The following EIPR1 variants were observed in gnomAD, a reference collection of about 807,000 sequenced individuals.
EIPR1 encodes the protein EARP complex and GARP complex interacting protein 1, also known as EARP and GARP complex-interacting protein 1.
EIPR1 carries 25 observed loss-of-function variants against 48.1 expected under a neutral mutation model. The observed-to-expected ratio is 0.52, with a 90% confidence interval of 0.38 to 0.73. EIPR1 has a LOEUF of 0.73. Among genes scored for constraint, EIPR1 ranks in the 30% least tolerant of loss-of-function variants. EIPR1 has a pLI of 0.00. For synonymous variants in EIPR1, 204 were observed against 201.9 expected, an observed-to-expected ratio of 1.01 and a Z score of -0.09; for missense variants, 415 against 506.2, an observed-to-expected ratio of 0.82 and a Z score of 1.73.
intron 3 of EIPR1, among the ~76,000 whole-genome samples, chr2:3,302,476 G>C (rs751838261): frequency 6.6e-6 from 1 of 152,218 alleles, no homozygotes; most frequent in Admixed American, 6.5e-5. Flanking sequence ...CATCCTCCCA[G>C]CACCACACTC....
chr2:3,257,676 CTT>C (rs1229648786), intron 3 of EIPR1: 2 of 419,936 alleles, frequency 4.8e-6, no homozygotes, highest in South Asian at 6.2e-5. Flanking sequence ...CCCACTTTCT[CTT>C]TGTTTTAAAA....
At chr2:3,255,017 C>CA (rs950471325) in intron 4 of EIPR1, among the ~76,000 whole-genome samples, 1 of 151,816 alleles carries the variant, frequency 6.6e-6, no homozygotes, top group Admixed American at 6.6e-5. Flanking sequence ...TGTACAACCT[C>CA]AAAATAAAAA....
chr2:3,225,620 CAT>C (rs1163133496), intron 4 of EIPR1, among the ~76,000 whole-genome samples: 6 of 152,186 alleles, frequency 3.9e-5, no homozygotes, highest in Admixed American at 3.3e-4. Flanking sequence ...TCCATCAACT[CAT>C]ATAGTTAACT....
In EIPR1 at chr2:3,351,004, A is replaced by ATTTTTTT. The variant is rs71396979; in HGVS notation, c.126+3539_126+3545dup. On this transcript the variant is annotated intron_variant, in intron 2 of 8. Coordinates refer to ENST00000382125, the MANE Select transcript of EIPR1 (RefSeq NM_003310.5). ...AAAACACTTTCTGTCATTTTGGGCG[A>ATTTTTTT]TTTTTTTTTTTTTAGACAGAGTCTC... Among the ~76,000 whole-genome samples, 170 of 135,318 alleles carry ATTTTTTT rather than the reference A, an allele frequency of 1.3e-3. 1 individual carries two copies. The highest frequency in any genetic ancestry group is 1.7e-3 in the Non-Finnish European group (106 of 63,898). The allele number at this position is 135,318 out of a possible 152,430, so 88.8% of individuals were successfully genotyped here.
At chr2:3,305,026 TC>T (rs1242307599) in intron 3 of EIPR1, among the ~76,000 whole-genome samples, 2 of 80,222 alleles carry the variant, frequency 2.5e-5, no homozygotes, top group Non-Finnish European at 5.3e-5. Context: ...TCCACTCCTG[TC>T]CAGTTCAACC....
chr2:3,321,829 G>A (rs982710751), intron 3 of EIPR1, among the ~76,000 whole-genome samples: 1 of 152,132 alleles, frequency 6.6e-6, no homozygotes, highest in African/African-American at 2.4e-5. Flanking sequence ...GGACCAGGCG[G>A]GCACATCAGA....
intron 2 of EIPR1, chr2:3,353,344 G>A (rs1018774325): frequency 3.0e-5 from 14 of 469,256 alleles, no homozygotes; most frequent in African/African-American, 2.0e-4. Context: ...ATTCAATTGT[G>A]CACTTTGCTT....
chr2:3,358,425 A>G (rs1670778628), intron 1 of EIPR1, among the ~76,000 whole-genome samples: 1 of 152,216 alleles, frequency 6.6e-6, no homozygotes, highest in Non-Finnish European at 1.5e-5. Flanking sequence ...ATACATTTCA[A>G]TAAAACCGAG....
intron 2 of EIPR1, among the ~76,000 whole-genome samples, chr2:3,349,398 G>A (rs1670499780): frequency 6.6e-6 from 1 of 152,248 alleles, no homozygotes; most frequent in Non-Finnish European, 1.5e-5. Flanking sequence ...AAGAGTGTGA[G>A]CGCAGGGACT....
chr2:3,203,419 C>T (rs776863569), intron 5 of EIPR1, among the ~76,000 whole-genome samples: 1 of 152,208 alleles, frequency 6.6e-6, no homozygotes, highest in Non-Finnish European at 1.5e-5. Context: ...AGATAGGTAA[C>T]GTAAATAAAC....
chr2:3,351,272 A>G (rs1210620363), intron 2 of EIPR1, among the ~76,000 whole-genome samples: 1 of 152,190 alleles, frequency 6.6e-6, no homozygotes, highest in Non-Finnish European at 1.5e-5. Flanking sequence ...AAGTGCTGGG[A>G]TTACATGCGT....
At chr2:3,364,126 A>C (rs1021037324) in intron 1 of EIPR1, among the ~76,000 whole-genome samples, 3 of 152,222 alleles carry the variant, frequency 2.0e-5, no homozygotes, top group Non-Finnish European at 4.4e-5. Flanking sequence ...AACTAAAAAT[A>C]GAGCTACCAC....
At chr2:3,339,217 G>T (rs1261848629) in intron 2 of EIPR1, among the ~76,000 whole-genome samples, 1 of 152,214 alleles carries the variant, frequency 6.6e-6, no homozygotes, top group Non-Finnish European at 1.5e-5. Flanking sequence ...GAACCAGCAG[G>T]TAGGTACCTG....
intron 4 of EIPR1, among the ~76,000 whole-genome samples, chr2:3,252,010 C>T (rs1667013683): frequency 6.6e-6 from 1 of 152,182 alleles, no homozygotes; most frequent in African/African-American, 2.4e-5. Context: ...TGGGAAAGGA[C>T]AGTCCCTACT....
At chr2:3,336,585 T>C (rs1418051023) in intron 3 of EIPR1, among the ~76,000 whole-genome samples, 3 of 152,116 alleles carry the variant, frequency 2.0e-5, no homozygotes, top group East Asian at 3.9e-4. Flanking sequence ...CTGGCCAACA[T>C]GGTGAAACCC....
intron 3 of EIPR1, among the ~76,000 whole-genome samples, chr2:3,302,302 G>A (rs1201134620): frequency 6.6e-6 from 1 of 152,146 alleles, no homozygotes; most frequent in African/African-American, 2.4e-5. Flanking sequence ...GGTGAAGCCT[G>A]GGCAGCACAG....
chr2:3,199,578 T>G (rs923608766), intron 5 of EIPR1, among the ~76,000 whole-genome samples: 1 of 152,146 alleles, frequency 6.6e-6, no homozygotes, highest in Non-Finnish European at 1.5e-5. Flanking sequence ...AGAGACCCAC[T>G]GGGGGGACAG....
intron 3 of EIPR1, among the ~76,000 whole-genome samples, chr2:3,268,069 A>G (rs1667547339): frequency 6.6e-6 from 1 of 152,120 alleles, no homozygotes; most frequent in African/African-American, 2.4e-5. Context: ...AGTGGTTGTG[A>G]GTGTGTGCAG....
At chr2:3,353,059 C>T in intron 2 of EIPR1, 2 of 367,170 alleles carry the variant, frequency 5.4e-6, no homozygotes, top group South Asian at 4.2e-5. Context: ...CAGACAGAGA[C>T]CATATTCATA....
Sources: allele counts gnomAD v4.1 joint callset (sites outside exome capture counted in the v4.1 genomes callset), GRCh38; gene constraint gnomAD v4.1.1; transcripts MANE v1.5; gene names NCBI Gene and HGNC (gene_info 2026-07-23, HGNC 2026-07-21).